Variants in NECAB3 observed in about 807,000 individuals in gnomAD.
NECAB3 encodes the protein N-terminal EF-hand calcium binding protein 3, also known as N-terminal EF-hand calcium-binding protein 3.
In NECAB3, 38 loss-of-function variants were observed where a neutral mutation model predicts 57.2. The ratio of observed to expected loss-of-function variants is 0.66; its 90% CI spans 0.51 to 0.87. The LOEUF is 0.87. Among genes scored for constraint, NECAB3 ranks in the 40% least tolerant of loss-of-function variants. The pLI, the probability that NECAB3 is intolerant of heterozygous loss-of-function variation, is 0.00. For missense variants in NECAB3, 474 were observed against 527.5 expected, an observed-to-expected ratio of 0.90 and a Z score of 0.99; for synonymous variants, 223 against 222.6, an observed-to-expected ratio of 1.00 and a Z score of -0.02.
intron 5 of NECAB3, chr20:33,667,424 C>T (rs1044170917): frequency 3.5e-6 from 5 of 1,411,206 alleles, no homozygotes; most frequent in African/African-American, 1.5e-5. Flanking sequence ...AGCGACTCGC[C>T]GTTGGCGCCG....
intron 8 of NECAB3, among the ~76,000 whole-genome samples, 170 bp downstream of exon 8, chr20:33,659,327 A>T (rs1277889767): frequency 6.6e-6 from 1 of 152,228 alleles, no homozygotes; most frequent in Non-Finnish European, 1.5e-5. Flanking sequence ...AAGCCCAGAG[A>T]AAGGTGGTGG....
intron 9 of NECAB3, 34 bp from the exon 10 acceptor site, chr20:33,658,588 G>C: frequency 6.2e-7 from 1 of 1,612,784 alleles, no homozygotes; most frequent in Non-Finnish European, 8.5e-7. Context: ...GGCCAGGCCA[G>C]GGCTGCCACC....
chr20:33,662,477 G>A, intron 5 of NECAB3: 1 of 1,551,366 alleles, frequency 6.4e-7, no homozygotes. Context: ...CGGCTGTGAG[G>A]GCGGGGGATG....
At chr20:33,659,458 A>G in intron 8 of NECAB3, 39 bp downstream of exon 8, 2 of 1,431,904 alleles carry the variant, frequency 1.4e-6, no homozygotes, top group Admixed American at 2.8e-5. Context: ...GCACCCCCAG[A>G]CACGGCCATC....
At chr20:33,663,788 C>G (rs928558901) in intron 5 of NECAB3, 1 of 1,424,670 alleles carries the variant, frequency 7.0e-7, no homozygotes, top group Non-Finnish European at 9.1e-7. Flanking sequence ...TTCCGGTCCC[C>G]GGGGAAGGCT....
At chr20:33,674,185 G>A in intron 1 of NECAB3, 39 bp downstream of exon 1, 1 of 1,251,900 alleles carries the variant, frequency 8.0e-7, no homozygotes, top group Non-Finnish European at 1.0e-6. Context: ...CAGAGACTCG[G>A]GTAGGGAGAC....
chr20:33,659,672 A>T lies in NECAB3; in HGVS notation c.704T>A (p.Ile235Asn). 5 of 1,610,496 alleles carry T rather than the reference A, an allele frequency of 3.1e-6. No individual in the cohort carries two copies. Among genetic ancestry groups the T allele is most frequent in the Non-Finnish European group, 1.7e-6 (2 of 1,179,480 alleles). Residue 235 changes from isoleucine (I) to asparagine (N), a missense_variant, in exon 8 of 12, where the codon ATC becomes AAC. Ile to Asn is a moderately radical substitution (Grantham distance 149). Transcript: ENST00000246190. Reference protein sequence around the residue: ...RLQVNRLQELIDQLECKVRAV... With the variant: ...RLQVNRLQELNDQLECKVRAV... ...CCTCACCTTGCACTCGAGCTGGTCG[A>T]TGAGCTCCTGGAGGCGGTTCACCTG... is the stretch of plus-strand genomic sequence containing the variant.
At position 33,658,816 on chromosome 20, in the gene NECAB3, T is replaced by C. The variant is rs751442177; in HGVS notation, c.898A>G (p.Arg300Gly). ...CCTTCCTCTGCCACCTGGACCTGCC[T>C]CTGGGCCATGAGGATGTGCTGGTGG... ...GPDLHILMAQ[R>G]QVQVAEEGLQ... The change falls in exon 9 of 12, where the codon AGG (arginine) becomes GGG (glycine). Residue 300 changes from arginine to glycine, a missense_variant. Physicochemically the swap from Arg to Gly is moderately radical, Grantham distance 125 (BLOSUM62 -2). Transcript: ENST00000246190. The C allele has an allele frequency of 6.2e-7, 1 of 1,613,300 alleles. No homozygotes were observed. The highest frequency in any genetic ancestry group is 8.5e-7 in the Non-Finnish European group (1 of 1,179,898).
At position 33,658,464 on chromosome 20, in the gene NECAB3, C is replaced by CT; in HGVS notation, c.1070+12dup. The CT allele has an allele frequency of 6.2e-7, 1 of 1,613,406 alleles. No individual in the cohort carries two copies. The highest frequency in any genetic ancestry group is 2.2e-5 in the East Asian group (1 of 44,880). Reference sequence around the variant, plus strand: ...ACATTCCATGGTGTTAGCGGCCAGACTGGCACTCATACCTTCTCCAGGAGG... The same window carrying CT: ...ACATTCCATGGTGTTAGCGGCCAGACTTGGCACTCATACCTTCTCCAGGAGG... On this transcript the variant is annotated intron_variant, in intron 10 of 11. Coordinates refer to ENST00000246190, the MANE Select transcript of NECAB3 (RefSeq NM_031232.4).
At chr20:33,672,553 C>A in intron 1 of NECAB3, 131 bp from the exon 2 acceptor site, 1 of 1,027,936 alleles carries the variant, frequency 9.7e-7, no homozygotes, top group South Asian at 1.3e-5. Flanking sequence ...CAGCCTGGTC[C>A]CAAACCACCT....
At chr20:33,670,892 G>A in intron 2 of NECAB3, 100 bp from the exon 3 acceptor site, 2 of 768,198 alleles carry the variant, frequency 2.6e-6, no homozygotes, top group South Asian at 1.7e-5. Context: ...CATAGCATCT[G>A]ACAACCATCT....
At chr20:33,674,201 G>A (rs373208960) in intron 1 of NECAB3, 23 bp downstream of exon 1, 3 of 1,257,170 alleles carry the variant, frequency 2.4e-6, no homozygotes, top group East Asian at 3.0e-5. Context: ...GAGACACCGC[G>A]AGCAGAGCCC....
At position 33,669,386 on chromosome 20, in the gene NECAB3, C is replaced by T; in HGVS notation, c.376G>A (p.Ala126Thr). 6.2e-7 allele frequency: 1 copy of T among 1,613,596 alleles called. No individual in the cohort carries two copies. The highest frequency in any genetic ancestry group is 8.5e-7 in the Non-Finnish European group (1 of 1,180,020). ...GCCACTCCACTCACCAGCTTGGTGG[C>T]ATCCATGGCAGCGAGCACTGCACGG... ...LNRAVLAAMD[A>T]TKLEYERASK... The change falls in exon 5 of 12, where the codon GCC becomes ACC. Residue 126 changes from alanine to threonine, a missense_variant. Physicochemically the swap from Ala to Thr is moderately conservative, Grantham distance 58. Coordinates refer to ENST00000246190, the MANE Select transcript of NECAB3 (RefSeq NM_031232.4).
Position 33,657,834 on chromosome 20 carries a change from T to C in NECAB3, c.1186A>G (p.Asn396Asp), listed in dbSNP as rs1461247791. Residue 396 changes from asparagine to aspartate, a missense_variant, in exon 12 of 12, where the codon AAC becomes GAC. By Grantham distance (23) the Asn-to-Asp change is conservative (BLOSUM62 1). Transcript: ENST00000246190. ...TCGGCGTGTGCAGGTCTGGCTCAGT[T>C]GTTATTCATTATCCACCAGGAGGCT... Reference protein sequence around the residue: ...FPASWWIMNNN With the variant: ...FPASWWIMNND 1.3e-6 allele frequency: 2 copies of C among 1,539,378 alleles called. No homozygotes were observed. The highest frequency in any genetic ancestry group is 1.4e-5 in the African/African-American group (1 of 72,802).
intron 5 of NECAB3, chr20:33,663,504 C>T (rs552305229): frequency 1.4e-5 from 22 of 1,597,176 alleles, no homozygotes; most frequent in Admixed American, 1.7e-5. Flanking sequence ...GCGCGCTCTC[C>T]CGCCTCACGC....
At position 33,662,505 on chromosome 20, in the gene NECAB3, G is replaced by A. The variant is rs149331538; in HGVS notation, c.388-2110C>T. ...GGGGGATGGGGAGCAGGGCTGGGGA[G>A]GCAGCTGGGGGGCAGAGAAAGCTGG... On this transcript the variant is annotated intron_variant, in intron 5 of 11. Coordinates refer to ENST00000246190, the MANE Select transcript of NECAB3 (RefSeq NM_031232.4). The A allele has an allele frequency of 1.1e-4, 177 of 1,546,224 alleles. 1 individual carries two copies. In the East Asian group the frequency reaches 3.1e-3, roughly 27 times the overall value.
At chr20:33,667,658 G>T (rs1407145925) in intron 5 of NECAB3, 1 of 1,610,370 alleles carries the variant, frequency 6.2e-7, no homozygotes, top group East Asian at 2.2e-5. Flanking sequence ...ACCCTGTCGC[G>T]CTACCTGCGG....
chr20:33,668,913 G>A (rs938151095), intron 5 of NECAB3, among the ~76,000 whole-genome samples: 7 of 152,230 alleles, frequency 4.6e-5, no homozygotes, highest in African/African-American at 1.2e-4. Flanking sequence ...CCACACAAAC[G>A]CGTGGGTGTT....
At chr20:33,663,650 G>GAGCGGGCGAAGGT (rs1568896260) in intron 5 of NECAB3, 1 of 1,600,334 alleles carries the variant, frequency 6.2e-7, no homozygotes, top group Admixed American at 1.7e-5. Flanking sequence ...AGATTGCGCG[G>GAGCGGGCGAAGGT]AGCGGGCGAA....
Sources: allele counts gnomAD v4.1 joint callset (sites outside exome capture counted in the v4.1 genomes callset), GRCh38; gene constraint gnomAD v4.1.1; transcripts MANE v1.5; gene names NCBI Gene and HGNC (gene_info 2026-07-23, HGNC 2026-07-21).